The following TKTL1 variants were observed in gnomAD, a reference collection of about 807,000 sequenced individuals.
TKTL1 encodes transketolase-like protein 1.
A neutral mutation model predicts 39.3 loss-of-function variants in TKTL1; 1 was observed. That is an observed-to-expected ratio of 0.03 (90% confidence interval 0.01 to 0.12). The LOEUF (loss-of-function observed/expected upper bound fraction) is 0.12, where lower values mean the gene tolerates loss of function less well. Among genes scored for constraint, TKTL1 ranks in the 10% least tolerant of loss-of-function variants. The pLI, the probability that TKTL1 is intolerant of heterozygous loss-of-function variation, is 1.00. For missense variants in TKTL1, 575 were observed against 509.6 expected (o/e 1.13, Z -1.24); for synonymous variants, 262 against 193.8 (o/e 1.35, Z -2.92).
In TKTL1 at chrX:154,310,816, C is replaced by T; in HGVS notation, c.351-20C>T. On this transcript the variant is annotated intron_variant, in intron 3 of 12. Coordinates refer to ENST00000369915, the MANE Select transcript of TKTL1 (RefSeq NM_012253.4). The stretch of plus-strand genomic sequence containing the variant: ...AGATGATCCCCCACAGGGTCCTAAA[C>T]CTCTCTTGTCTTGCTCCAGCTACCG... 1.7e-6 allele frequency: 2 copies of T among 1,200,090 alleles called. No individual in the cohort carries two copies. Among genetic ancestry groups the T allele is most frequent in the Non-Finnish European group, 1.1e-6 (1 of 887,345 alleles).
At chrX:154,328,269 C>T (rs956550368) in intron 12 of TKTL1, among the ~76,000 whole-genome samples, 5 of 109,951 alleles carry the variant, frequency 4.5e-5, no homozygotes, top group Non-Finnish European at 7.6e-5. Flanking sequence ...CCAGGCCAGG[C>T]GTGGTGGCTT....
intron 1 of TKTL1, among the ~76,000 whole-genome samples, chrX:154,301,986 A>G (rs1427344395): frequency 9.2e-6 from 1 of 108,879 alleles, no homozygotes; most frequent in Non-Finnish European, 1.9e-5. Flanking sequence ...CAGCGTGGGC[A>G]CTCCTGAAAC....
chrX:154,315,286 C>G lies in TKTL1; in HGVS notation c.978C>G (p.Asn326Lys). Residue 326 changes from asparagine (N) to lysine (K), a missense_variant, in exon 7 of 13, where the codon AAC (asparagine) becomes AAG (lysine). By Grantham distance (94) the Asn-to-Lys change is moderately conservative. Coordinates refer to ENST00000369915, the MANE Select transcript of TKTL1 (RefSeq NM_012253.4). ...TRYSTFSEIFNKEYPERFIEC... is the reference protein window; with the variant it reads ...TRYSTFSEIFKKEYPERFIEC... ...ACTCTACTTTCTCTGAGATATTCAA[C>G]AAGGAGTACCCTGAGCGCTTCATCG... 1 of 1,211,134 alleles carries G rather than the reference C, an allele frequency of 8.3e-7. No homozygotes were observed. The highest frequency in any genetic ancestry group is 1.1e-6 in the Non-Finnish European group (1 of 895,124).
intron 10 of TKTL1, among the ~76,000 whole-genome samples, chrX:154,326,955 G>A (rs1267908125): frequency 8.9e-6 from 1 of 112,219 alleles, no homozygotes; most frequent in Non-Finnish European, 1.9e-5. Context: ...ATCAGCAATG[G>A]TTCTTAAGCT....
rs1557164197 is a variant in TKTL1 at position 154,295,880 on chromosome X, G to C, written c.21G>C (p.Arg7Ser). 8.3e-7 allele frequency: 1 copy of C among 1,211,990 alleles called. No homozygotes were observed. Among genetic ancestry groups the C allele is most frequent in the Admixed American group, 2.2e-5 (1 of 46,068 alleles). ...GACTAATGGCGGATGCTGAGGCGAGGGCTGAGTTCCCGGAGGAGGCCAGAC... is the reference window on the plus strand; with the variant it reads ...GACTAATGGCGGATGCTGAGGCGAGCGCTGAGTTCCCGGAGGAGGCCAGAC... MADAEA[R>S]AEFPEEARPD... Residue 7 changes from arginine (R) to serine (S), a missense_variant, in exon 1 of 13, where the codon AGG (arginine) becomes AGC (serine). By Grantham distance (110) the Arg-to-Ser change is moderately radical. Coordinates refer to ENST00000369915, the MANE Select transcript of TKTL1 (RefSeq NM_012253.4).
chrX:154,311,792 A>C (rs1194038392), intron 5 of TKTL1, among the ~76,000 whole-genome samples: 1 of 111,257 alleles, frequency 9.0e-6, no homozygotes, highest in Admixed American at 9.6e-5. Context: ...ACTCCTACCG[A>C]AAATATAGTT....
chrX:154,300,462 T>C lies in TKTL1; in HGVS notation c.134+4469T>C, dbSNP rs144174993. 4.4e-4 allele frequency among the ~76,000 whole-genome samples: 49 copies of C among 112,464 alleles called. No homozygotes were observed. In the East Asian group the frequency reaches 6.1e-3, roughly 14 times the overall value. ...TGTCTTTCAGTAGTGTTTTGTAGTTTTTCTTGTAGCTGTCTTTCACCTCCT... is the reference window on the plus strand; with the variant it reads ...TGTCTTTCAGTAGTGTTTTGTAGTTCTTCTTGTAGCTGTCTTTCACCTCCT... On this transcript the variant is annotated intron_variant, in intron 1 of 12. Transcript: ENST00000369915.
At chrX:154,317,760 C>T (rs868960038) in intron 7 of TKTL1, among the ~76,000 whole-genome samples, 1 of 112,100 alleles carries the variant, frequency 8.9e-6, no homozygotes, top group African/African-American at 3.2e-5. Context: ...CAGCAGGATG[C>T]CAACGGCAGG....
intron 3 of TKTL1, 65 bp downstream of exon 3, chrX:154,309,507 G>C (rs1268597844): frequency 1.1e-6 from 1 of 950,688 alleles, no homozygotes; most frequent in Admixed American, 2.3e-5. Context: ...AGAGTCTCGG[G>C]GGGCAGCCAC....
chrX:154,322,130 C>T (rs782711479), intron 8 of TKTL1, among the ~76,000 whole-genome samples: 6 of 105,407 alleles, frequency 5.7e-5, no homozygotes, highest in East Asian at 2.9e-4. Context: ...CTACTCAGGA[C>T]GCTGAGACAG....
intron 9 of TKTL1, 42 bp from the exon 10 acceptor site, chrX:154,325,296 TC>T (rs782530625): frequency 8.8e-7 from 1 of 1,140,300 alleles, no homozygotes; most frequent in Non-Finnish European, 1.2e-6. Flanking sequence ...TGTTGGAAAT[TC>T]ATTGTTTGCT....
intron 1 of TKTL1, among the ~76,000 whole-genome samples, chrX:154,300,790 G>A (rs1307309896): frequency 9.0e-6 from 1 of 110,676 alleles, no homozygotes; most frequent in Non-Finnish European, 1.9e-5. Flanking sequence ...TCCACCTCCC[G>A]GGTTCAAGCG....
rs781926826 is a variant in TKTL1 at position 154,312,712 on chromosome X, C to T, written c.803C>T (p.Pro268Leu). The T allele has an allele frequency of 8.3e-6, 10 of 1,211,517 alleles. No homozygotes were observed. The highest frequency in any genetic ancestry group is 2.2e-5 in the Admixed American group (1 of 45,962). The change falls in exon 6 of 13, where the codon CCT becomes CTT. Residue 268 changes from proline (P) to leucine (L), a missense_variant. Pro to Leu is a moderately conservative substitution (Grantham distance 98, BLOSUM62 -3). Coordinates refer to ENST00000369915, the MANE Select transcript of TKTL1 (RefSeq NM_012253.4). ...CCACAGCCCCCCATTGAGGACTCAC[C>T]TGAAGTCAACATCACAGATGTAAGG... is the stretch of plus-strand genomic sequence containing the variant. Reference protein sequence around the residue: ...LDPQPPIEDSPEVNITDVRMT... With the variant: ...LDPQPPIEDSLEVNITDVRMT...
intron 1 of TKTL1, among the ~76,000 whole-genome samples, chrX:154,303,462 C>T (rs2148801084): frequency 2.3e-5 from 2 of 88,702 alleles, no homozygotes; most frequent in Middle Eastern, 6.5e-3. Context: ...AACTCCTGGG[C>T]TCAAGCAATC....
At chrX:154,297,913 ATT>A (rs1201941780) in intron 1 of TKTL1, among the ~76,000 whole-genome samples, 1 of 111,007 alleles carries the variant, frequency 9.0e-6, no homozygotes, top group East Asian at 2.8e-4. Context: ...AGAAAAAAAA[ATT>A]TTTTTTTGAG....
At chrX:154,297,913 AT>A (rs1201941780) in intron 1 of TKTL1, among the ~76,000 whole-genome samples, 36 of 111,060 alleles carry the variant, frequency 3.2e-4, no homozygotes, top group African/African-American at 1.0e-3. Flanking sequence ...AGAAAAAAAA[AT>A]TTTTTTTTGA....
chrX:154,305,460 C>A lies in TKTL1; in HGVS notation c.252+39C>A, dbSNP rs782203039. ...GAGCCCAGGGCTGCTGTGGCGCCTG[C>A]TGGTTAAGCCCAGTTTGAACAGCCA... On this transcript the variant is annotated intron_variant, in intron 2 of 12. Coordinates refer to ENST00000369915, the MANE Select transcript of TKTL1 (RefSeq NM_012253.4). The A allele has an allele frequency of 5.1e-6, 6 of 1,185,698 alleles. No individual in the cohort carries two copies. In the Admixed American group the frequency reaches 6.6e-5, roughly 13 times the overall value.
intron 1 of TKTL1, 37 bp downstream of exon 1, chrX:154,296,030 C>T (rs374661787): frequency 3.3e-6 from 4 of 1,199,562 alleles, no homozygotes; most frequent in Non-Finnish European, 4.5e-6. Flanking sequence ...TCATGCAGGG[C>T]CACGGGCCCG....
At chrX:154,325,741 T>C (rs782696146) in intron 10 of TKTL1, among the ~76,000 whole-genome samples, 245 of 112,380 alleles carry the variant, frequency 2.2e-3, no homozygotes, top group Non-Finnish European at 3.9e-3. Flanking sequence ...GCCAGCGCTT[T>C]GGGAGGCCAA....
Sources: allele counts gnomAD v4.1 joint callset (sites outside exome capture counted in the v4.1 genomes callset), GRCh38; gene constraint gnomAD v4.1.1; transcripts MANE v1.5; gene names NCBI Gene and HGNC (gene_info 2026-07-23, HGNC 2026-07-21).